The following FOXP2 variants were observed in gnomAD, a reference collection of about 807,000 sequenced individuals.
The protein encoded by FOXP2 is forkhead box protein P2.
FOXP2 carries 12 observed loss-of-function variants against 115.8 expected under a neutral mutation model. That is an observed-to-expected ratio of 0.10 (90% CI 0.07 to 0.17). The LOEUF (loss-of-function observed/expected upper bound fraction) is 0.17. Ranked by LOEUF, FOXP2 falls within the 10% of genes least tolerant of loss-of-function variation. The probability of loss-of-function intolerance (pLI) is 1.00; values close to 1 mark genes in which losing one functional copy is unlikely to be tolerated. For missense variants in FOXP2, 629 were observed against 843.5 expected (o/e 0.75, Z 3.15); for synonymous variants, 328 against 297.7 (o/e 1.10, Z -1.05).
chr7:114,675,917 T>C (rs1807728382), intron 16 of FOXP2, among the ~76,000 whole-genome samples: 1 of 150,884 alleles, frequency 6.6e-6, no homozygotes, highest in Non-Finnish European at 1.5e-5. Flanking sequence ...TTATTATTAT[T>C]ATTATTTTTT....
intron 2 of FOXP2, among the ~76,000 whole-genome samples, chr7:114,301,165 C>T (rs568526511): frequency 6.6e-6 from 1 of 152,016 alleles, no homozygotes; most frequent in Admixed American, 6.6e-5. Flanking sequence ...AAGAGTGATA[C>T]ATAGACCATC....
chr7:114,434,029 C>T (rs1794227743), intron 2 of FOXP2, among the ~76,000 whole-genome samples: 1 of 151,864 alleles, frequency 6.6e-6, no homozygotes, highest in African/African-American at 2.4e-5. Flanking sequence ...GTTGAAATGG[C>T]TCATAAGAGA....
chr7:114,440,193 G>C (rs1284524273), intron 2 of FOXP2, among the ~76,000 whole-genome samples: 1 of 152,094 alleles, frequency 6.6e-6, no homozygotes, highest in Non-Finnish European at 1.5e-5. Flanking sequence ...CACATAGCTA[G>C]TAAGACAGAC....
At position 114,241,732 on chromosome 7, in the gene FOXP2, A is replaced by G. The variant is rs535229765; in HGVS notation, c.-101-46287A>G. Among the ~76,000 whole-genome samples, 20 of 121,948 alleles carry G rather than the reference A, an allele frequency of 1.6e-4. No individual in the cohort carries two copies. In the South Asian group the frequency reaches 4.8e-3, roughly 29 times the overall value. The allele number at this position is 121,948 out of a possible 152,430, so 80.0% of individuals were successfully genotyped here. On this transcript the variant is annotated intron_variant, in intron 1 of 17. Coordinates refer to the FOXP2 transcript ENST00000634411. The stretch of plus-strand genomic sequence containing the variant: ...ATGGGAAATAAAACGTAAAAAAAAG[A>G]TTTGAAGCCACGTATTTTTTTTTTA...
chr7:114,111,353 T>TA (rs1459705810), intron 1 of FOXP2, among the ~76,000 whole-genome samples: 1 of 152,078 alleles, frequency 6.6e-6, no homozygotes, highest in Non-Finnish European at 1.5e-5. Context: ...TGGAGAGACT[T>TA]ACCACAAGGG....
chr7:114,617,619 C>G (rs185140365), intron 3 of FOXP2, among the ~76,000 whole-genome samples: 2 of 152,216 alleles, frequency 1.3e-5, no homozygotes, highest in East Asian at 3.9e-4. Flanking sequence ...TGTGGTGAAA[C>G]CCCGTCTCTA....
chr7:114,347,053 A>C (rs1165275570), intron 2 of FOXP2, among the ~76,000 whole-genome samples: 15 of 151,990 alleles, frequency 9.9e-5, no homozygotes. Flanking sequence ...AAAATAAAAA[A>C]TAAATGCAAT....
chr7:114,330,261 T>C (rs1186186604), intron 2 of FOXP2, among the ~76,000 whole-genome samples: 1 of 152,170 alleles, frequency 6.6e-6, no homozygotes, highest in South Asian at 2.1e-4. Context: ...ACTTGCATTC[T>C]ATCATTAAAA....
rs564000606 is a variant in FOXP2 at position 114,571,024 on chromosome 7, C to G, written c.258+36318C>G. The G allele has an allele frequency of 5.2e-6, 4 of 767,922 alleles. No homozygotes were observed. The East Asian group carries it at 1.0e-4, about 20-fold the overall frequency. The allele number at this position is 767,922 out of a possible 1,614,324, so 47.6% of individuals were successfully genotyped here. Reference sequence around the variant, plus strand: ...TCAAGATACAAATAATGTTAAGATACAGATGTAATTAGTTGATTTTCTCTT... The same window carrying G: ...TCAAGATACAAATAATGTTAAGATAGAGATGTAATTAGTTGATTTTCTCTT... On this transcript the variant is annotated intron_variant, in intron 3 of 16. Coordinates refer to ENST00000350908, the MANE Select transcript of FOXP2 (RefSeq NM_014491.4).
upstream of FOXP2, among the ~76,000 whole-genome samples, chr7:114,160,052 C>G (rs572060232): frequency 1.7e-4 from 26 of 152,270 alleles, no homozygotes; most frequent in Admixed American, 1.0e-3. Context: ...CGGGGCAGGA[C>G]TTTCCGGGGA....
chr7:114,512,267 C>G (rs1438559410), intron 2 of FOXP2, among the ~76,000 whole-genome samples: 2 of 152,218 alleles, frequency 1.3e-5, no homozygotes, highest in African/African-American at 4.8e-5. Flanking sequence ...GATTCACTAA[C>G]AGGCAGTCCC....
intron 4 of FOXP2, chr7:114,629,036 A>G (rs1328198621): frequency 4.0e-6 from 1 of 249,324 alleles, no homozygotes; most frequent in East Asian, 1.1e-4. Context: ...ACACCTTAGC[A>G]TTCCTTTTAG....
intron 1 of FOXP2, among the ~76,000 whole-genome samples, chr7:114,285,960 T>C (rs1305687673): frequency 2.0e-5 from 3 of 152,054 alleles, no homozygotes; most frequent in Non-Finnish European, 4.4e-5. Flanking sequence ...TAATTTTATG[T>C]CTTATCATTT....
upstream of FOXP2, among the ~76,000 whole-genome samples, chr7:114,411,789 T>A (rs1562909752): frequency 6.6e-6 from 1 of 152,122 alleles, no homozygotes; most frequent in Non-Finnish European, 1.5e-5. Flanking sequence ...TTCTCAAAGC[T>A]GACAGTTGTC....
intron 1 of FOXP2, among the ~76,000 whole-genome samples, chr7:114,169,784 C>A (rs991805468): frequency 9.2e-5 from 14 of 152,060 alleles, no homozygotes; most frequent in Non-Finnish European, 2.1e-4. Context: ...GTGGGAGGGA[C>A]CCGGTGGGAG....
intron 2 of FOXP2, among the ~76,000 whole-genome samples, chr7:114,350,069 C>T (rs1031469236): frequency 2.0e-5 from 3 of 151,984 alleles, no homozygotes; most frequent in Non-Finnish European, 4.4e-5. Context: ...CAGAAACTAG[C>T]CACACATAAA....
At chr7:114,325,737 T>C (rs1797539207) in intron 2 of FOXP2, among the ~76,000 whole-genome samples, 1 of 152,068 alleles carries the variant, frequency 6.6e-6, no homozygotes, top group African/African-American at 2.4e-5. Flanking sequence ...ATATTTTCTG[T>C]ATAGACCCGT....
intron 2 of FOXP2, among the ~76,000 whole-genome samples, chr7:114,481,483 G>A (rs747220160): frequency 1.1e-4 from 16 of 151,394 alleles, no homozygotes; most frequent in South Asian, 2.1e-4. Context: ...TCCCCAAAGC[G>A]TAATAGGTTA....
At chr7:114,384,597 C>A (rs1333926754) in intron 2 of FOXP2, among the ~76,000 whole-genome samples, 1 of 151,950 alleles carries the variant, frequency 6.6e-6, no homozygotes, top group Non-Finnish European at 1.5e-5. Flanking sequence ...TCTGGTCGGA[C>A]CTTTGTGTGG....
Sources: allele counts gnomAD v4.1 joint callset (sites outside exome capture counted in the v4.1 genomes callset), GRCh38; gene constraint gnomAD v4.1.1; transcripts MANE v1.5; gene names NCBI Gene and HGNC (gene_info 2026-07-23, HGNC 2026-07-21).